ADAMTS20: variants seen among roughly 807,000 people sequenced by gnomAD.
ADAMTS20 encodes the protein A disintegrin and metalloproteinase with thrombospondin motifs 20.
In ADAMTS20, 225 loss-of-function variants were observed where a neutral mutation model predicts 260.1. The ratio of observed to expected loss-of-function variants is 0.87; its 90% confidence interval spans 0.78 to 0.97. The LOEUF (loss-of-function observed/expected upper bound fraction) is 0.97. Among genes scored for constraint, ADAMTS20 ranks in the 50% least tolerant of loss-of-function variants. The probability of loss-of-function intolerance (pLI) is 0.00; values close to 1 mark genes in which losing one functional copy is unlikely to be tolerated. For synonymous variants in ADAMTS20, 802 were observed against 769.5 expected (o/e 1.04, Z -0.70); for missense variants, 2,400 against 2,337.7 (o/e 1.03, Z -0.55).
chr12:43,518,669 T>A lies in ADAMTS20; in HGVS notation c.613+13367A>T, dbSNP rs182573741. ...CTGATGTTCCAGTTCACTTACTCTA[T>A]TGCCTACTTCTCTCCCTTTGGATTT... On this transcript the variant is annotated intron_variant, in intron 3 of 38. Coordinates refer to ENST00000389420, the MANE Select transcript of ADAMTS20 (RefSeq NM_025003.5). Among the ~76,000 whole-genome samples, 235 of 152,162 alleles carry A rather than the reference T, an allele frequency of 1.5e-3. 1 individual carries two copies. Among genetic ancestry groups the A allele is most frequent in the African/African-American group, 5.4e-3 (224 of 41,534 alleles).
chr12:43,466,864 A>G, intron 8 of ADAMTS20, 69 bp from the exon 9 acceptor site: 2 of 1,164,788 alleles, frequency 1.7e-6, no homozygotes, highest in Non-Finnish European at 1.2e-6. Flanking sequence ...TAGATCCTTT[A>G]TAGTCACATT....
intron 15 of ADAMTS20, among the ~76,000 whole-genome samples, chr12:43,445,191 T>C (rs914261902): frequency 6.6e-6 from 1 of 152,214 alleles, no homozygotes; most frequent in Non-Finnish European, 1.5e-5. Flanking sequence ...GTTTAACGCA[T>C]TGTTCTATTT....
At chr12:43,521,494 A>G (rs1464491086) in intron 3 of ADAMTS20, among the ~76,000 whole-genome samples, 1 of 152,158 alleles carries the variant, frequency 6.6e-6, no homozygotes, top group Admixed American at 6.5e-5. Context: ...TTACTTCTTT[A>G]TGTGCACTTT....
intron 4 of ADAMTS20, among the ~76,000 whole-genome samples, chr12:43,495,679 A>G (rs1592097153): frequency 6.6e-6 from 1 of 152,192 alleles, no homozygotes; most frequent in Non-Finnish European, 1.5e-5. Context: ...TGCTTACTAA[A>G]TATACAGAGC....
intron 20 of ADAMTS20, 63 bp downstream of exon 20, chr12:43,432,538 T>C: frequency 6.2e-7 from 1 of 1,600,312 alleles, no homozygotes; most frequent in Admixed American, 1.7e-5. Flanking sequence ...TACTTCAGAG[T>C]AACATAAATA....
intron 2 of ADAMTS20, among the ~76,000 whole-genome samples, chr12:43,546,988 T>C (rs116294167): frequency 2.2e-3 from 336 of 152,262 alleles, no homozygotes; most frequent in African/African-American, 7.6e-3. Flanking sequence ...CTCAAAATAC[T>C]TAGGAAAAAA....
At chr12:43,545,344 T>G (rs1033952544) in intron 2 of ADAMTS20, among the ~76,000 whole-genome samples, 7 of 152,304 alleles carry the variant, frequency 4.6e-5, no homozygotes, top group African/African-American at 1.7e-4. Flanking sequence ...TCTGATTCCT[T>G]GGTCTTAAAC....
At chr12:43,424,567 T>C (rs1311496761) in intron 28 of ADAMTS20, among the ~76,000 whole-genome samples, 1 of 152,072 alleles carries the variant, frequency 6.6e-6, no homozygotes, top group Non-Finnish European at 1.5e-5. Flanking sequence ...AGTTGGATAA[T>C]GACAAAAAAC....
At chr12:43,430,561 T>C in intron 22 of ADAMTS20, 90 bp from the exon 23 acceptor site, 4 of 1,186,236 alleles carry the variant, frequency 3.4e-6, no homozygotes, top group Non-Finnish European at 4.5e-6. Context: ...GTTAATAATA[T>C]ACTTTTAATA....
At chr12:43,390,205 A>G (rs1012964944) in intron 29 of ADAMTS20, among the ~76,000 whole-genome samples, 100 of 152,316 alleles carry the variant, frequency 6.6e-4, no homozygotes, top group Admixed American at 6.5e-3. Flanking sequence ...TGCTGTTGGG[A>G]GGCCATCCTT....
At chr12:43,540,172 C>A (rs1245006942) in intron 2 of ADAMTS20, among the ~76,000 whole-genome samples, 1 of 152,236 alleles carries the variant, frequency 6.6e-6, no homozygotes, top group East Asian at 1.9e-4. Context: ...GCCCGGCCAA[C>A]CACAGAATTC....
intron 3 of ADAMTS20, among the ~76,000 whole-genome samples, chr12:43,518,830 A>G (rs1253245698): frequency 6.6e-6 from 1 of 151,804 alleles, no homozygotes; most frequent in Non-Finnish European, 1.5e-5. Flanking sequence ...AAAAAAAAAA[A>G]AAAAAAGAAT....
Position 43,430,380 on chromosome 12 carries a change from T to C in ADAMTS20, c.3353A>G (p.His1118Arg), listed in dbSNP as rs750760556. 1.2e-6 allele frequency: 2 copies of C among 1,612,570 alleles called. No individual in the cohort carries two copies. The highest frequency in any genetic ancestry group is 2.2e-5 in the South Asian group (2 of 90,842). Reference protein sequence around the residue: ...ASAVLEDTECHEASRPSDRQS... With the variant: ...ASAVLEDTECREASRPSDRQS... Reference sequence around the variant, plus strand: ...TCTGTCACTGGGGCGACTAGCTTCATGGCATTCTGTGTCCTCTAACACTGC... The same window carrying C: ...TCTGTCACTGGGGCGACTAGCTTCACGGCATTCTGTGTCCTCTAACACTGC... Residue 1118 changes from histidine (H) to arginine (R), a missense_variant, in exon 23 of 39, where the codon CAT becomes CGT. Transcript: ENST00000389420.
chr12:43,353,273 C>T (rs1404263604), downstream of ADAMTS20, among the ~76,000 whole-genome samples: 4 of 151,856 alleles, frequency 2.6e-5, no homozygotes, highest in East Asian at 7.7e-4. Context: ...ACTTAAACAT[C>T]TCTAATAAAA....
At chr12:43,490,941 T>C (rs914571192) in intron 6 of ADAMTS20, among the ~76,000 whole-genome samples, 1 of 152,048 alleles carries the variant, frequency 6.6e-6, no homozygotes, top group Non-Finnish European at 1.5e-5. Flanking sequence ...TTTAATCTGC[T>C]ATCTCCAATC....
At chr12:43,462,753 T>C in intron 11 of ADAMTS20, 142 bp downstream of exon 11, 1 of 646,374 alleles carries the variant, frequency 1.5e-6, no homozygotes, top group South Asian at 1.9e-5. Flanking sequence ...CAATGTACTA[T>C]ATCAAACAAA....
rs1388819175 is a variant in ADAMTS20, at chr12:43,440,012, G to C, written c.2348C>G (p.Ser783Ter). Residue 783 changes from serine (S) to a stop codon, truncating the protein, a stop_gained, in exon 17 of 39, where the codon TCA becomes TGA. Transcript: ENST00000389420. LOFTEE classifies it high-confidence loss of function. ...TCCTTGCACATTGATTTCTTTTTTTGACGTACTTAGAAGAAAATTTCCATT... is the reference window on the plus strand; with the variant it reads ...TCCTTGCACATTGATTTCTTTTTTTCACGTACTTAGAAGAAAATTTCCATT... ...LFNGNFLLST[S>*]KKEINVQGTR... 3 of 1,573,358 alleles carry C rather than the reference G, an allele frequency of 1.9e-6. No individual in the cohort carries two copies. Among genetic ancestry groups the C allele is most frequent in the African/African-American group, 1.3e-5 (1 of 74,106 alleles).
intron 3 of ADAMTS20, among the ~76,000 whole-genome samples, chr12:43,519,382 C>T (rs1397367823): frequency 1.3e-5 from 2 of 152,114 alleles, no homozygotes; most frequent in Non-Finnish European, 2.9e-5. Flanking sequence ...ACCCTCTTTC[C>T]TCCCTCACTG....
At chr12:43,467,156 T>C (rs930683371) in intron 8 of ADAMTS20, among the ~76,000 whole-genome samples, 15 of 152,048 alleles carry the variant, frequency 9.9e-5, no homozygotes, top group African/African-American at 3.6e-4. Context: ...GTAAAGGTAA[T>C]ACCACACTAA....
Sources: allele counts gnomAD v4.1 joint callset (sites outside exome capture counted in the v4.1 genomes callset), GRCh38; gene constraint gnomAD v4.1.1; transcripts MANE v1.5; gene names NCBI Gene and HGNC (gene_info 2026-07-23, HGNC 2026-07-21).